The following ADAMTS16 variants were observed in gnomAD, a reference collection of about 807,000 sequenced individuals.
ADAMTS16 encodes the protein ADAM metallopeptidase with thrombospondin type 1 motif 16, also known as A disintegrin and metalloproteinase with thrombospondin motifs 16.
ADAMTS16 carries 94 observed loss-of-function variants against 145.8 expected under a neutral mutation model. That is an observed-to-expected ratio of 0.64 (90% CI 0.55 to 0.77). ADAMTS16 has a LOEUF of 0.77. Among genes scored for constraint, ADAMTS16 ranks in the 30% least tolerant of loss-of-function variants. The pLI, the probability that ADAMTS16 is intolerant of heterozygous loss-of-function variation, is 0.00. For missense variants in ADAMTS16, 1,585 were observed against 1,591.5 expected, an observed-to-expected ratio of 1.00 and a Z score of 0.07; for synonymous variants, 659 against 604.3, an observed-to-expected ratio of 1.09 and a Z score of -1.33.
At chr5:5,234,752 C>T (rs1462260491) in intron 12 of ADAMTS16, among the ~76,000 whole-genome samples, 20 of 151,464 alleles carry the variant, frequency 1.3e-4, no homozygotes, top group Admixed American at 1.3e-3. Context: ...TGCCTATAGT[C>T]CCAGCTACTC....
chr5:5,202,830 CAA>C (rs1735998981), intron 9 of ADAMTS16, among the ~76,000 whole-genome samples: 1 of 151,882 alleles, frequency 6.6e-6, no homozygotes, highest in African/African-American at 2.4e-5. Context: ...TATTAAAGTC[CAA>C]AAAAAGTTTT....
intron 20 of ADAMTS16, 54 bp from the exon 21 acceptor site, chr5:5,306,450 T>C (rs1740155655): frequency 6.6e-7 from 1 of 1,524,126 alleles, no homozygotes; most frequent in East Asian, 2.3e-5. Context: ...AACCCACAGA[T>C]TTTGCAAAAA....
chr5:5,198,580 G>A (rs1223239847), intron 8 of ADAMTS16, among the ~76,000 whole-genome samples: 1 of 152,100 alleles, frequency 6.6e-6, no homozygotes, highest in African/African-American at 2.4e-5. Context: ...CGGTCTTGCT[G>A]TCTTTATATT....
rs1277377396 is a variant in ADAMTS16, at chr5:5,269,136, G to A, written c.2789+6353G>A. ...ATGCTTCAAGATCCACACTGAAGTT[G>A]TCCTTCTGTCTCACTGCATGGCTGA... On this transcript the variant is annotated intron_variant, in intron 18 of 22. Coordinates refer to ENST00000274181, the MANE Select transcript of ADAMTS16 (RefSeq NM_139056.4). This position sits in a 1 kb window ranked among gnomAD's most constrained non-coding sequence, Gnocchi z 4.3. Among the ~76,000 whole-genome samples the A allele has an allele frequency of 6.6e-6, 1 of 152,074 alleles. No individual in the cohort carries two copies. The highest frequency in any genetic ancestry group is 1.5e-5 in the Non-Finnish European group (1 of 68,028).
intron 2 of ADAMTS16, among the ~76,000 whole-genome samples, chr5:5,142,759 A>G (rs1219276002): frequency 6.6e-6 from 1 of 152,212 alleles, no homozygotes; most frequent in Non-Finnish European, 1.5e-5. Flanking sequence ...AATAGCAAAG[A>G]GAACAAAGCT....
intron 10 of ADAMTS16, among the ~76,000 whole-genome samples, chr5:5,209,747 A>G (rs1343122534): frequency 6.6e-6 from 1 of 152,166 alleles, no homozygotes; most frequent in Non-Finnish European, 1.5e-5. Flanking sequence ...TACCAGAGTG[A>G]TTTAGTAACA....
chr5:5,221,646 T>C (rs1005056416), intron 10 of ADAMTS16, among the ~76,000 whole-genome samples: 3 of 152,232 alleles, frequency 2.0e-5, no homozygotes, highest in African/African-American at 7.2e-5. Context: ...GAAGGAGATA[T>C]AGCCAGGGAA....
rs963916616 is a variant in ADAMTS16 at position 5,289,618 on chromosome 5, G to A, written c.2790-13650G>A. Among the ~76,000 whole-genome samples the A allele has an allele frequency of 3.3e-5, 5 of 152,222 alleles. No individual in the cohort carries two copies. In the East Asian group the frequency reaches 7.7e-4, roughly 23 times the overall value. ...TGGTTTTTACAGATATGTCCAGTTC[G>A]ATTATTTATAAGTAGAATTGGTTAA... On this transcript the variant is annotated intron_variant, in intron 18 of 22. Transcript: ENST00000274181.
chr5:5,160,987 T>G (rs955715058), intron 3 of ADAMTS16, among the ~76,000 whole-genome samples: 1 of 152,210 alleles, frequency 6.6e-6, no homozygotes, highest in Non-Finnish European at 1.5e-5. Context: ...AGATTGCAAT[T>G]TAAATGTAAA....
chr5:5,252,916 T>C (rs1294665134), intron 17 of ADAMTS16, among the ~76,000 whole-genome samples: 3 of 152,188 alleles, frequency 2.0e-5, no homozygotes, highest in Non-Finnish European at 2.9e-5. Flanking sequence ...CTAAATGAAA[T>C]TCTCCACTGG....
intron 3 of ADAMTS16, among the ~76,000 whole-genome samples, chr5:5,181,447 T>C (rs972916738): frequency 6.6e-6 from 1 of 152,258 alleles, no homozygotes; most frequent in Non-Finnish European, 1.5e-5. Context: ...ACATTTTTGG[T>C]ATTTTTATAA....
At chr5:5,254,407 A>T (rs919690423) in intron 17 of ADAMTS16, among the ~76,000 whole-genome samples, 8 of 152,150 alleles carry the variant, frequency 5.3e-5, no homozygotes, top group Admixed American at 1.3e-4. Flanking sequence ...AATTTTTTTT[A>T]TTTCTGACCT....
chr5:5,198,968 C>T (rs906015404), intron 8 of ADAMTS16, among the ~76,000 whole-genome samples: 1 of 152,320 alleles, frequency 6.6e-6, no homozygotes, highest in South Asian at 2.1e-4. Flanking sequence ...ACATGAGACC[C>T]TGTGCTCTGG....
chr5:5,162,343 C>G (rs56823870), intron 3 of ADAMTS16, among the ~76,000 whole-genome samples: 1 of 152,144 alleles, frequency 6.6e-6, no homozygotes, highest in African/African-American at 2.4e-5. Context: ...GACCCATTAT[C>G]TAACCTGCCA....
At chr5:5,248,318 G>A (rs1024637336) in intron 17 of ADAMTS16, among the ~76,000 whole-genome samples, 14 of 152,128 alleles carry the variant, frequency 9.2e-5, no homozygotes, top group Admixed American at 2.0e-4. Flanking sequence ...ATTTTTAAGC[G>A]GTTTCCAAAG....
At chr5:5,228,994 C>T (rs1278893471) in intron 11 of ADAMTS16, among the ~76,000 whole-genome samples, 1 of 152,220 alleles carries the variant, frequency 6.6e-6, no homozygotes, top group Non-Finnish European at 1.5e-5. Context: ...TCTGCCTTTG[C>T]CTCTTTTAAG....
chr5:5,237,130 T>C (rs763034184), intron 14 of ADAMTS16, 31 bp downstream of exon 14: 1 of 1,608,760 alleles, frequency 6.2e-7, no homozygotes, highest in Non-Finnish European at 8.5e-7. Flanking sequence ...ATTCAACAAA[T>C]GATTCCGGAC....
At chr5:5,284,829 C>T (rs1450218958) in intron 18 of ADAMTS16, among the ~76,000 whole-genome samples, 3 of 152,058 alleles carry the variant, frequency 2.0e-5, no homozygotes, top group Non-Finnish European at 4.4e-5. Flanking sequence ...TCTGTAGGTT[C>T]CATGTGAGGT....
intron 8 of ADAMTS16, among the ~76,000 whole-genome samples, chr5:5,196,285 T>C (rs1223447357): frequency 6.8e-6 from 1 of 146,994 alleles, no homozygotes; most frequent in African/African-American, 2.5e-5. Flanking sequence ...TTGGTATCAC[T>C]AGTAGTTAGC....
Sources: gnomAD v4.1 joint callset for allele counts (sites outside exome capture counted in the v4.1 genomes callset) on GRCh38, gnomAD v4.1.1 for gene constraint, Gnocchi (gnomAD v3.1) non-coding constraint, MANE v1.5 for transcripts, NCBI Gene and HGNC (gene_info 2026-07-23, HGNC 2026-07-21) for gene names.